CADM2: variants seen among roughly 807,000 people sequenced by gnomAD.
The protein encoded by CADM2 is immunoglobulin superfamily member 4D.
CADM2 carries 12 observed loss-of-function variants against 49.8 expected under a neutral mutation model. The observed-to-expected ratio is 0.24, with a 90% CI of 0.15 to 0.39. CADM2 has a LOEUF of 0.39. Among genes scored for constraint, CADM2 ranks in the 10% least tolerant of loss-of-function variants. CADM2 has a pLI of 1.00. For synonymous variants in CADM2, 214 were observed against 175.4 expected (o/e 1.22, Z -1.74); for missense variants, 378 against 492.3 (o/e 0.77, Z 2.20).
chr3:85,475,898 C>G (rs1458254093), intron 1 of CADM2, among the ~76,000 whole-genome samples: 1 of 151,738 alleles, frequency 6.6e-6, no homozygotes, highest in Non-Finnish European at 1.5e-5. Context: ...TATTAATTTG[C>G]CTATCTAGAA....
intron 1 of CADM2, among the ~76,000 whole-genome samples, chr3:85,330,121 A>G (rs12498133): frequency 0.073 from 11,101 of 152,190 alleles, 743 homozygotes; most frequent in African/African-American, 0.18. Flanking sequence ...GAAATCCTAC[A>G]TTTTCAAAGA....
intron 1 of CADM2, among the ~76,000 whole-genome samples, chr3:85,126,340 C>T (rs2039032087): frequency 6.6e-6 from 1 of 151,948 alleles, no homozygotes. Context: ...AGGGACAAAA[C>T]TCACATACAT....
chr3:85,029,547 G>GTA (rs149659591), intron 1 of CADM2, among the ~76,000 whole-genome samples: 1 of 152,188 alleles, frequency 6.6e-6, no homozygotes, highest in African/African-American at 2.4e-5. Flanking sequence ...AATTTGAAAG[G>GTA]TATATATATT....
At chr3:85,660,410 A>G (rs2065363518) in intron 1 of CADM2, among the ~76,000 whole-genome samples, 2 of 151,006 alleles carry the variant, frequency 1.3e-5, no homozygotes, top group South Asian at 2.1e-4. Flanking sequence ...TGTCCAGATC[A>G]AAGGAATTTA....
chr3:85,599,696 T>TA (rs11452955), intron 1 of CADM2, among the ~76,000 whole-genome samples: 81,071 of 151,554 alleles, frequency 0.53, 24,765 homozygotes, highest in East Asian at 0.93. Flanking sequence ...AATTAAAAAA[T>TA]TATGTCAAAT....
intron 8 of CADM2, among the ~76,000 whole-genome samples, chr3:86,043,354 C>A (rs1365824090): frequency 2.0e-5 from 3 of 152,174 alleles, no homozygotes; most frequent in Admixed American, 6.5e-5. Context: ...CCAAAATCTC[C>A]TTAAGCTGAT....
At chr3:85,899,391 T>C (rs916088529) in intron 5 of CADM2, among the ~76,000 whole-genome samples, 5 of 152,222 alleles carry the variant, frequency 3.3e-5, no homozygotes, top group Non-Finnish European at 5.9e-5. Context: ...GTTTTGAATC[T>C]ATTTTGAGTT....
chr3:85,770,860 G>C (rs2070047621), intron 2 of CADM2, among the ~76,000 whole-genome samples: 1 of 152,078 alleles, frequency 6.6e-6, no homozygotes, highest in Non-Finnish European at 1.5e-5. Flanking sequence ...ATCCAGACAT[G>C]ATTTTCCATA....
chr3:85,240,787 G>A (rs72915102), intron 1 of CADM2, among the ~76,000 whole-genome samples: 11,445 of 151,368 alleles, frequency 0.076, 1,182 homozygotes, highest in African/African-American at 0.24. Flanking sequence ...GATGATAGAT[G>A]CACCTATTAT....
At chr3:85,157,302 C>A (rs1383526816) in intron 1 of CADM2, among the ~76,000 whole-genome samples, 3 of 150,886 alleles carry the variant, frequency 2.0e-5, no homozygotes, top group South Asian at 2.1e-4. Context: ...CCCCATCAAG[C>A]TACCAATGCC....
intron 1 of CADM2, among the ~76,000 whole-genome samples, chr3:85,714,260 G>A (rs1339692377): frequency 6.6e-6 from 1 of 152,130 alleles, no homozygotes; most frequent in African/African-American, 2.4e-5. Context: ...AGGAAACACT[G>A]CATTTATGTT....
chr3:85,562,641 G>A (rs1900914), intron 1 of CADM2, among the ~76,000 whole-genome samples: 77,937 of 151,902 alleles, frequency 0.51, 23,067 homozygotes, highest in East Asian at 0.85. Flanking sequence ...ATAGCCCAAT[G>A]TAAAATATAC....
At chr3:85,859,659 C>CT (rs1313032611) in intron 3 of CADM2, among the ~76,000 whole-genome samples, 1 of 152,198 alleles carries the variant, frequency 6.6e-6, no homozygotes, top group African/African-American at 2.4e-5. Flanking sequence ...AGTCTTCCTT[C>CT]TCCAAATCTA....
intron 1 of CADM2, among the ~76,000 whole-genome samples, chr3:85,471,604 G>A (rs1339858379): frequency 6.6e-6 from 1 of 151,742 alleles, no homozygotes; most frequent in Non-Finnish European, 1.5e-5. Context: ...TCATCTTCTG[G>A]TTAACAAAGA....
At chr3:85,177,672 G>GA (rs2040820963) in intron 1 of CADM2, among the ~76,000 whole-genome samples, 1 of 151,728 alleles carries the variant, frequency 6.6e-6, no homozygotes, top group African/African-American at 2.4e-5. Flanking sequence ...TAATTGGATT[G>GA]AAAAAAATTT....
intron 1 of CADM2, among the ~76,000 whole-genome samples, chr3:85,264,497 T>C (rs189285903): frequency 2.0e-3 from 310 of 152,224 alleles, no homozygotes; most frequent in Non-Finnish European, 1.9e-3. Flanking sequence ...TTGGGACTAT[T>C]CTTTCACTTG....
intron 1 of CADM2, among the ~76,000 whole-genome samples, chr3:85,179,664 C>T (rs949345883): frequency 6.6e-6 from 1 of 151,854 alleles, no homozygotes; most frequent in Admixed American, 6.6e-5. Flanking sequence ...ATTTCAAATT[C>T]GTATATTGAG....
chr3:85,822,167 C>A (rs376842121), intron 3 of CADM2, among the ~76,000 whole-genome samples: 39 of 152,138 alleles, frequency 2.6e-4, no homozygotes, highest in African/African-American at 9.2e-4. Context: ...ATAATCTGAA[C>A]TGTTTCCATT....
At chr3:85,769,194 T>TATATACACAC (rs1233805743) in intron 2 of CADM2, among the ~76,000 whole-genome samples, 9 of 67,780 alleles carry the variant, frequency 1.3e-4, no homozygotes, top group South Asian at 9.8e-4. Flanking sequence ...ATATATAGTA[T>TATATACACAC]ATATACACAT....
Sources: allele counts gnomAD v4.1 joint callset (sites outside exome capture counted in the v4.1 genomes callset), GRCh38; gene constraint gnomAD v4.1.1; transcripts MANE v1.5; gene names NCBI Gene and HGNC (gene_info 2026-07-23, HGNC 2026-07-21).